Variants in DNAJB9 observed in about 807,000 individuals in gnomAD.
DNAJB9 encodes the protein dnaJ homolog subfamily B member 9.
Under a neutral mutation model 19.2 loss-of-function variants are expected in DNAJB9, and 12 were observed. The observed-to-expected ratio is 0.62, with a 90% CI of 0.40 to 1.01. The LOEUF (loss-of-function observed/expected upper bound fraction) is 1.01, where lower values mean the gene tolerates loss of function less well. Among genes scored for constraint, DNAJB9 ranks in the 50% least tolerant of loss-of-function variants. The probability of loss-of-function intolerance (pLI) is 0.00; values close to 1 mark genes in which losing one functional copy is unlikely to be tolerated. For missense variants in DNAJB9, 272 were observed against 261.1 expected (o/e 1.04, Z -0.29); for synonymous variants, 83 against 84.0 (o/e 0.99, Z 0.07).
rs1790663154 is a variant in DNAJB9 at position 108,573,943 on chromosome 7, T to C, written c.*590T>C. The C allele has an allele frequency of 6.6e-6, 1 of 152,370 alleles. No individual in the cohort carries two copies. The allele number at this position is 152,370 out of a possible 1,614,324, so 9.4% of individuals were successfully genotyped here. A position where few individuals can be genotyped will look rare whatever the true frequency, so the allele number is the denominator to read the frequency against. ...GTAAAGGAAATGGTTTTATTGCCCA[T>C]AGTCATTTAGGCTGGAAAAAAGTTG... On this transcript the variant is annotated 3_prime_UTR_variant, in exon 3 of 3. Coordinates refer to ENST00000249356, the MANE Select transcript of DNAJB9 (RefSeq NM_012328.3).
At chr7:108,570,226 A>G (rs1274854098) in intron 1 of DNAJB9, 123 bp downstream of exon 1, 2 of 152,324 alleles carry the variant, frequency 1.3e-5, no homozygotes, top group Admixed American at 6.5e-5. Context: ...AATGGGCTGC[A>G]TGTTTTTGGC....
intron 2 of DNAJB9, 31 bp downstream of exon 2, chr7:108,571,974 G>A: frequency 6.3e-7 from 1 of 1,596,410 alleles, no homozygotes; most frequent in East Asian, 2.2e-5. Flanking sequence ...GAAGTGTCAT[G>A]GGTATTAACT....
chr7:108,570,297 G>A (rs892155063), intron 1 of DNAJB9, among the ~76,000 whole-genome samples, 194 bp downstream of exon 1: 1 of 152,138 alleles, frequency 6.6e-6, no homozygotes, highest in African/African-American at 2.4e-5. Flanking sequence ...TTGTGGCGCC[G>A]GCTTTCACGG....
At chr7:108,572,785 G>A (rs572985785) in intron 2 of DNAJB9, 114 bp from the exon 3 acceptor site, 1 of 824,778 alleles carries the variant, frequency 1.2e-6, no homozygotes, top group Non-Finnish European at 1.8e-6. Flanking sequence ...TATTTCTGAT[G>A]CGAAATTCTT....
rs1458618609 is a variant in DNAJB9 at position 108,573,322 on chromosome 7, T to C, written c.641T>C (p.Val214Ala). 1 of 1,605,486 alleles carries C rather than the reference T, an allele frequency of 6.2e-7. No individual in the cohort carries two copies. Among genetic ancestry groups the C allele is most frequent in the East Asian group, 2.2e-5 (1 of 44,812 alleles). Residue 214 changes from valine (V) to alanine (A), a missense_variant, in exon 3 of 3, where the codon GTT (valine) becomes GCT (alanine). Coordinates refer to ENST00000249356, the MANE Select transcript of DNAJB9 (RefSeq NM_012328.3). ...RTVTQRRGNM[V>A]TTYTDCSGQ ...GTCACTCAACGAAGAGGAAATATGG[T>C]TACTACATACACTGACTGTTCAGGA... is the stretch of plus-strand genomic sequence containing the variant.
chr7:108,572,937 T>A lies in DNAJB9; in HGVS notation c.256T>A (p.Tyr86Asn). 2 of 1,613,428 alleles carry A rather than the reference T, an allele frequency of 1.2e-6. No individual in the cohort carries two copies. The highest frequency in any genetic ancestry group is 1.7e-6 in the Non-Finnish European group (2 of 1,179,578). ...TLSDANRRKEYDTLGHSAFTS... is the reference protein window; with the variant it reads ...TLSDANRRKENDTLGHSAFTS... Reference sequence around the variant, plus strand: ...CTCAGATGCTAATAGACGAAAAGAGTATGATACACTTGGACACAGTGCTTT... The same window carrying A: ...CTCAGATGCTAATAGACGAAAAGAGAATGATACACTTGGACACAGTGCTTT... The change falls in exon 3 of 3, where the codon TAT becomes AAT. Residue 86 changes from tyrosine (Y) to asparagine (N), a missense_variant. Transcript: ENST00000249356.
rs1790644406 is a variant in DNAJB9 at position 108,573,074 on chromosome 7, T to C, written c.393T>C (p.Thr131=). The part of the protein sequence containing the change: ...DFGFFGQNQN[T]GSKKRFENHF... ...GCTTTTTTGGTCAAAACCAAAACAC[T>C]GGATCCAAGAAGCGTTTTGAAAATC... The change falls in exon 3 of 3, where the codon ACT becomes ACC. Residue 131 remains threonine (T), a synonymous_variant. Transcript: ENST00000249356. 24 of 1,614,110 alleles carry C rather than the reference T, an allele frequency of 1.5e-5. No individual in the cohort carries two copies. The highest frequency in any genetic ancestry group is 1.9e-5 in the Non-Finnish European group (22 of 1,179,968).
chr7:108,570,444 C>A (rs947586128), intron 1 of DNAJB9, among the ~76,000 whole-genome samples: 4 of 152,010 alleles, frequency 2.6e-5, no homozygotes, highest in Non-Finnish European at 4.4e-5. Flanking sequence ...AAGGCACGGG[C>A]TGCTGGCTGG....
In DNAJB9 at chr7:108,570,158, C is replaced by G. The variant is rs184331813; in HGVS notation, c.-11+55C>G. On this transcript the variant is annotated intron_variant, in intron 1 of 2. Coordinates refer to ENST00000249356, the MANE Select transcript of DNAJB9 (RefSeq NM_012328.3). ...GGGAGTTCGGAGGGTCCCCGTAGCC[C>G]AGGCCTGTCTTTGTGAGCTGACTTG... 3.8e-3 allele frequency: 588 copies of G among 154,852 alleles called. 2 individuals carry two copies. The highest frequency in any genetic ancestry group is 0.01 in the Admixed American group (164 of 15,646). The allele number at this position is 154,852 out of a possible 1,614,324, so 9.6% of individuals were successfully genotyped here.
At position 108,571,807 on chromosome 7, in the gene DNAJB9, C is replaced by T; in HGVS notation, c.81C>T (p.Tyr27=). 1 of 1,614,114 alleles carries T rather than the reference C, an allele frequency of 6.2e-7. No homozygotes were observed. Reference sequence around the variant, plus strand: ...AATTAATTCTGGCCTCAAAAAGCTACTATGATATCTTAGGTGTGCCAAAAT... The same window carrying T: ...AATTAATTCTGGCCTCAAAAAGCTATTATGATATCTTAGGTGTGCCAAAAT... ...ITELILASKS[Y]YDILGVPKSA... Residue 27 remains tyrosine (Y), a synonymous_variant, in exon 2 of 3, where the codon TAC becomes TAT. Transcript: ENST00000249356.
intron 1 of DNAJB9, among the ~76,000 whole-genome samples, chr7:108,570,562 T>TA (rs1188555626): frequency 6.6e-6 from 1 of 152,146 alleles, no homozygotes; most frequent in African/African-American, 2.4e-5. Context: ...GCTGAACCAG[T>TA]GAGGCGCCTC....
chr7:108,572,024 G>A lies in DNAJB9; in HGVS notation c.217+81G>A, dbSNP rs539676352. 1.2e-4 allele frequency: 171 copies of A among 1,410,752 alleles called. 1 individual carries two copies. The South Asian group carries it at 2.0e-3, about 17-fold the overall frequency. The allele number at this position is 1,410,752 out of a possible 1,614,324, so 87.4% of individuals were successfully genotyped here. A position where few individuals can be genotyped will look rare whatever the true frequency, so the allele number is the denominator to read the frequency against. On this transcript the variant is annotated intron_variant, in intron 2 of 2. Transcript: ENST00000249356. ...TAGCTAAGAAGTGTTTGTATTTGAA[G>A]GTTTTGTGGAGATGGGAGGTGGAGT...
chr7:108,572,362 T>C (rs1790632772), intron 2 of DNAJB9, among the ~76,000 whole-genome samples: 1 of 152,200 alleles, frequency 6.6e-6, no homozygotes, highest in African/African-American at 2.4e-5. Context: ...AAAGCCATAT[T>C]TGTCTTCAAA....
In DNAJB9 at chr7:108,573,493, G is replaced by A; in HGVS notation, c.*140G>A. 1 of 532,660 alleles carries A rather than the reference G, an allele frequency of 1.9e-6. No individual in the cohort carries two copies. Among genetic ancestry groups the A allele is most frequent in the Non-Finnish European group, 2.9e-6 (1 of 343,816 alleles). 33.0% of individuals were successfully genotyped at this position (532,660 alleles called of 1,614,324 possible). On this transcript the variant is annotated 3_prime_UTR_variant, in exon 3 of 3. Transcript: ENST00000249356. Reference sequence around the variant, plus strand: ...GATATAGCTATTAAATATATTTAAGGGTTTTTTTTTTTTGACAAATTCAAC... The same window carrying A: ...GATATAGCTATTAAATATATTTAAGAGTTTTTTTTTTTTGACAAATTCAAC...
chr7:108,570,658 A>G (rs886168869), intron 1 of DNAJB9, among the ~76,000 whole-genome samples: 3 of 152,096 alleles, frequency 2.0e-5, no homozygotes, highest in Non-Finnish European at 4.4e-5. Context: ...TGTTCCTTAA[A>G]CCGAGAAGTG....
rs1485589098 is a variant in DNAJB9 at position 108,574,432 on chromosome 7, T to G, written c.*1079T>G. The G allele has an allele frequency of 6.6e-6, 1 of 152,350 alleles. No individual in the cohort carries two copies. The highest frequency in any genetic ancestry group is 1.5e-5 in the Non-Finnish European group (1 of 68,018). The allele number at this position is 152,350 out of a possible 1,614,324, so 9.4% of individuals were successfully genotyped here. ...CGTTGTTGTTTTATTGTTAAAAGTT[T>G]ATTATGCAACTCTGGAGGTATAGAG... On this transcript the variant is annotated 3_prime_UTR_variant, in exon 3 of 3. Coordinates refer to ENST00000249356, the MANE Select transcript of DNAJB9 (RefSeq NM_012328.3).
rs1790653119 is a variant in DNAJB9, at chr7:108,573,488, T to G, written c.*135T>G. 1 of 546,280 alleles carries G rather than the reference T, an allele frequency of 1.8e-6. No individual in the cohort carries two copies. The highest frequency in any genetic ancestry group is 4.0e-5 in the Admixed American group (1 of 24,996). 33.8% of individuals were successfully genotyped at this position (546,280 alleles called of 1,614,324 possible). On this transcript the variant is annotated 3_prime_UTR_variant, in exon 3 of 3. Transcript: ENST00000249356. The stretch of plus-strand genomic sequence containing the variant: ...AATTTGATATAGCTATTAAATATAT[T>G]TAAGGGTTTTTTTTTTTTGACAAAT...
rs760422534 is a variant in DNAJB9 at position 108,571,957 on chromosome 7, A to C, written c.217+14A>C. ...AGATTGCAGAAGGTAAATAAATGAC[A>C]ATCTCTGAAGTGTCATGGGTATTAA... On this transcript the variant is annotated intron_variant, in intron 2 of 2. Coordinates refer to ENST00000249356, the MANE Select transcript of DNAJB9 (RefSeq NM_012328.3). 6 of 1,612,100 alleles carry C rather than the reference A, an allele frequency of 3.7e-6. No individual in the cohort carries two copies. The African/African-American group carries it at 8.0e-5, about 22-fold the overall frequency.
chr7:108,571,653 T>C (rs1790622355), intron 1 of DNAJB9, 64 bp from the exon 2 acceptor site: 1 of 1,404,760 alleles, frequency 7.1e-7, no homozygotes, highest in South Asian at 1.3e-5. Flanking sequence ...TTGGATTTCT[T>C]TTAAAAGAAA....
Sources: gnomAD v4.1 joint callset for allele counts (sites outside exome capture counted in the v4.1 genomes callset) on GRCh38, gnomAD v4.1.1 for gene constraint, MANE v1.5 for transcripts, NCBI Gene and HGNC (gene_info 2026-07-23, HGNC 2026-07-21) for gene names.